STON2: variants seen among roughly 807,000 people sequenced by gnomAD.
The protein encoded by STON2 is stonin 2.
STON2 carries 29 observed loss-of-function variants against 65.7 expected under a neutral mutation model. That is an observed-to-expected ratio of 0.44 (90% confidence interval 0.33 to 0.60). The LOEUF (loss-of-function observed/expected upper bound fraction) is 0.60, where lower values mean the gene tolerates loss of function less well. STON2 is among the 20% of genes least tolerant of loss of function. STON2 has a pLI of 0.03. For synonymous variants in STON2, 404 were observed against 414.2 expected (o/e 0.98, Z 0.30); for missense variants, 1,054 against 1,118.1 (o/e 0.94, Z 0.82).
At chr14:81,323,437 T>C (rs774070464) in intron 5 of STON2, 3 of 141,780 alleles carry the variant, frequency 2.1e-5, no homozygotes, top group African/African-American at 3.1e-5. Flanking sequence ...CAGACTTTTT[T>C]CTTCCCATTA....
rs909361615 is a variant in STON2 at position 81,366,577 on chromosome 14, G to T, written c.571+4411C>A. On this transcript the variant is annotated intron_variant, in intron 4 of 7. Coordinates refer to ENST00000614646, the MANE Select transcript of STON2 (RefSeq NM_001394390.1). ...AATGCTAAAGGGCACGGCAGGGGGT[G>T]GGGGGGCAATGACAAACATCTCCCC... Among the ~76,000 whole-genome samples the T allele has an allele frequency of 6.6e-5, 10 of 151,994 alleles. No homozygotes were observed. The East Asian group carries it at 1.9e-3, about 30-fold the overall frequency.
At chr14:81,268,731 A>C (rs1894455689) in intron 7 of STON2, 1 of 796,248 alleles carries the variant, frequency 1.3e-6, no homozygotes, top group Non-Finnish European at 1.5e-6. Context: ...GAAAATTCTT[A>C]TTCTTTGCCT....
At chr14:81,411,527 T>C (rs903716816) in intron 2 of STON2, among the ~76,000 whole-genome samples, 2 of 152,152 alleles carry the variant, frequency 1.3e-5, no homozygotes, top group Non-Finnish European at 2.9e-5. Flanking sequence ...ACCAACATGG[T>C]GAAACCCTGC....
intron 4 of STON2, among the ~76,000 whole-genome samples, chr14:81,348,885 G>A (rs1897917601): frequency 6.6e-6 from 1 of 151,908 alleles, no homozygotes; most frequent in African/African-American, 2.4e-5. Context: ...GCATGGTAAT[G>A]GTATAAAAAC....
At chr14:81,435,668 C>G (rs1040686868) in intron 1 of STON2, among the ~76,000 whole-genome samples, 1 of 152,000 alleles carries the variant, frequency 6.6e-6, no homozygotes, top group Non-Finnish European at 1.5e-5. Flanking sequence ...AACACACGGA[C>G]GCGCACACAC....
At chr14:81,354,518 G>A (rs560685233) in intron 4 of STON2, among the ~76,000 whole-genome samples, 1 of 152,092 alleles carries the variant, frequency 6.6e-6, no homozygotes, top group Non-Finnish European at 1.5e-5. Flanking sequence ...CCAACGATGG[G>A]CCCAAAAGAA....
At chr14:81,313,052 T>C (rs1896487421) in intron 5 of STON2, among the ~76,000 whole-genome samples, 1 of 152,230 alleles carries the variant, frequency 6.6e-6, no homozygotes, top group Non-Finnish European at 1.5e-5. Context: ...TTCCTACCTC[T>C]TTCTTTCTCT....
intron 5 of STON2, among the ~76,000 whole-genome samples, chr14:81,312,726 T>C (rs781558497): frequency 6.6e-5 from 10 of 152,250 alleles, no homozygotes; most frequent in Non-Finnish European, 1.5e-4. Flanking sequence ...TCTGGTTTCA[T>C]GATGCATTTG....
chr14:81,323,859 C>A (rs765777598), intron 5 of STON2, among the ~76,000 whole-genome samples, 158 bp downstream of exon 5: 1 of 151,898 alleles, frequency 6.6e-6, no homozygotes, highest in Non-Finnish European at 1.5e-5. Context: ...AACCCTCCTG[C>A]GAAAAGACAT....
chr14:81,369,719 A>G (rs948729942), intron 4 of STON2, among the ~76,000 whole-genome samples: 1 of 152,192 alleles, frequency 6.6e-6, no homozygotes, highest in African/African-American at 2.4e-5. Context: ...TTTGAACCTG[A>G]GCAGTCTGGC....
intron 5 of STON2, among the ~76,000 whole-genome samples, chr14:81,296,043 C>T (rs1482152199): frequency 1.3e-5 from 2 of 151,998 alleles, no homozygotes; most frequent in Non-Finnish European, 2.9e-5. Context: ...ACATTTTTTC[C>T]GTAGTATTTT....
At chr14:81,433,303 C>T (rs1391096945) in intron 1 of STON2, among the ~76,000 whole-genome samples, 1 of 152,190 alleles carries the variant, frequency 6.6e-6, no homozygotes, top group African/African-American at 2.4e-5. Flanking sequence ...TGGCCCTCAT[C>T]GCCTCTTGCT....
At chr14:81,417,849 C>T (rs796751008) in intron 2 of STON2, among the ~76,000 whole-genome samples, 13 of 152,140 alleles carry the variant, frequency 8.5e-5, no homozygotes, top group African/African-American at 3.1e-4. Flanking sequence ...GAAGTTAGAC[C>T]CTCGGGTGAC....
chr14:81,285,674 T>G (rs936064480), intron 5 of STON2, among the ~76,000 whole-genome samples: 6 of 152,172 alleles, frequency 3.9e-5, no homozygotes, highest in African/African-American at 9.7e-5. Flanking sequence ...CTGGTGAAGA[T>G]GCTGTGAACA....
chr14:81,376,437 C>T (rs1378007601), intron 3 of STON2, among the ~76,000 whole-genome samples: 1 of 151,972 alleles, frequency 6.6e-6, no homozygotes, highest in Non-Finnish European at 1.5e-5. Context: ...AGGTTAAAAA[C>T]CTGACTTGTC....
Position 81,267,807 on chromosome 14 carries a change from T to G in STON2, c.*607A>C. 1.0e-6 allele frequency: 1 copy of G among 985,388 alleles called. No homozygotes were observed. Among genetic ancestry groups the G allele is most frequent in the Non-Finnish European group, 1.2e-6 (1 of 829,926 alleles). The allele number at this position is 985,388 out of a possible 1,614,324, so 61.0% of individuals were successfully genotyped here. ...TCCTGTGACTGAAACCTTAGAGAGATGGAAAAAGTGTTCCAATCTAAACGA... is the reference window on the plus strand; with the variant it reads ...TCCTGTGACTGAAACCTTAGAGAGAGGGAAAAAGTGTTCCAATCTAAACGA... On this transcript the variant is annotated 3_prime_UTR_variant, in exon 8 of 8. Coordinates refer to ENST00000614646, the MANE Select transcript of STON2 (RefSeq NM_001394390.1).
chr14:81,327,523 C>T (rs942030805), intron 4 of STON2, among the ~76,000 whole-genome samples: 2 of 152,110 alleles, frequency 1.3e-5, no homozygotes, highest in African/African-American at 4.8e-5. Context: ...GTACTTCCAT[C>T]AAGAGGCAAC....
At chr14:81,339,427 CA>C (rs900011243) in intron 4 of STON2, among the ~76,000 whole-genome samples, 14 of 152,136 alleles carry the variant, frequency 9.2e-5, no homozygotes, top group African/African-American at 3.4e-4. Context: ...GATGGCAGCT[CA>C]GGGGCAGGCA....
rs1894294839 is a variant in STON2 at position 81,264,867 on chromosome 14, T to TGCCTCGG, written c.*3546_*3547insCCGAGGC. ...ATCATCTAATGGTCTCCCCACAAAG[T>TGCCTCGG]GCCTCACATTGTCTTGTCTGACATG... On this transcript the variant is annotated 3_prime_UTR_variant, in exon 8 of 8. Transcript: ENST00000614646. The TGCCTCGG allele has an allele frequency of 1.0e-6, 1 of 985,284 alleles. No individual in the cohort carries two copies. Among genetic ancestry groups the TGCCTCGG allele is most frequent in the African/African-American group, 1.7e-5 (1 of 57,220 alleles). 61.0% of individuals were successfully genotyped at this position (985,284 alleles called of 1,614,324 possible). A position where few individuals can be genotyped will look rare whatever the true frequency, so the allele number is the denominator to read the frequency against.
Sources: allele counts gnomAD v4.1 joint callset (sites outside exome capture counted in the v4.1 genomes callset), GRCh38; gene constraint gnomAD v4.1.1; transcripts MANE v1.5; gene names NCBI Gene and HGNC (gene_info 2026-07-23, HGNC 2026-07-21).